The following EVC2 variants were observed in gnomAD, a reference collection of about 807,000 sequenced individuals.
The protein encoded by EVC2 is EvC ciliary complex subunit 2.
In EVC2, 148 loss-of-function variants were observed where a neutral mutation model predicts 149.3. The ratio of observed to expected loss-of-function variants is 0.99; its 90% confidence interval spans 0.87 to 1.14. EVC2 has a LOEUF of 1.14. Ranked by LOEUF, EVC2 falls within the 50% of genes most tolerant of loss-of-function variation. EVC2 has a pLI of 0.00. For synonymous variants in EVC2, 776 were observed against 649.9 expected (o/e 1.19, Z -2.95); for missense variants, 1,854 against 1,627.3 (o/e 1.14, Z -2.40).
At chr4:5,682,830 G>T (rs1308297844) in intron 6 of EVC2, among the ~76,000 whole-genome samples, 1 of 150,624 alleles carries the variant, frequency 6.6e-6, no homozygotes. Context: ...TTACACTCCA[G>T]CCTGGGCGAC....
At chr4:5,661,166 T>C (rs1156562799) in intron 9 of EVC2, among the ~76,000 whole-genome samples, 1 of 152,212 alleles carries the variant, frequency 6.6e-6, no homozygotes. Context: ...AAAAGTTTCC[T>C]GTAAATGGAA....
In EVC2 at chr4:5,636,477, AT is replaced by A. The variant is rs374300969; in HGVS notation, c.1470+4036del. Among the ~76,000 whole-genome samples, 4 of 152,230 alleles carry A rather than the reference AT, an allele frequency of 2.6e-5. No individual in the cohort carries two copies. Among genetic ancestry groups the A allele is most frequent in the East Asian group, 1.9e-4 (1 of 5,182 alleles). On this transcript the variant is annotated intron_variant, in intron 10 of 21. Coordinates refer to ENST00000344408, the MANE Select transcript of EVC2 (RefSeq NM_147127.5). This position sits in a 1 kb window ranked among gnomAD's most constrained non-coding sequence, Gnocchi z 4.6. The stretch of plus-strand genomic sequence containing the variant: ...TTCCCTAAACAACATTCCCTAAACT[AT>A]TTTTTATGCATTTATACAAACTATT...
intron 1 of EVC2, among the ~76,000 whole-genome samples, chr4:5,707,308 T>C (rs1345659287): frequency 1.3e-5 from 2 of 152,070 alleles, no homozygotes; most frequent in African/African-American, 4.8e-5. Context: ...GGGTCTCTTT[T>C]AAGAGACTAA....
rs1225387873 is a variant in EVC2, at chr4:5,657,333, C to T, written c.1145+5774G>A. On this transcript the variant is annotated intron_variant, in intron 9 of 21. Transcript: ENST00000344408. The surrounding 1 kb of genome is among the most constrained non-coding windows in gnomAD (Gnocchi z 4.7). ...CCCTCCCCAAGCCACGTATCTGCTG[C>T]ATCTACACAGACTCTGCCATCCTTC... is the stretch of plus-strand genomic sequence containing the variant. 6.6e-6 allele frequency among the ~76,000 whole-genome samples: 1 copy of T among 151,354 alleles called. No homozygotes were observed. Among genetic ancestry groups the T allele is most frequent in the East Asian group, 2.0e-4 (1 of 5,110 alleles).
At chr4:5,708,139 A>T in intron 1 of EVC2, 147 bp downstream of exon 1, 1 of 657,026 alleles carries the variant, frequency 1.5e-6, no homozygotes. Flanking sequence ...AGCGGGATAC[A>T]CCTAAGGGCC....
At position 5,562,791 on chromosome 4, in the gene EVC2, G is replaced by A. The variant is rs1722032128; in HGVS notation, c.*57C>T. 1.2e-6 allele frequency: 2 copies of A among 1,609,524 alleles called. No homozygotes were observed. Among genetic ancestry groups the A allele is most frequent in the Non-Finnish European group, 1.7e-6 (2 of 1,179,988 alleles). On this transcript the variant is annotated 3_prime_UTR_variant, in exon 22 of 22. Transcript: ENST00000344408. This position sits in a 1 kb window ranked among gnomAD's most constrained non-coding sequence, Gnocchi z 4.3. ...CATTATAAACACACAAACACCGGCG[G>A]GCAGGAGAAAATCATCCCTTCTCTC... is the stretch of plus-strand genomic sequence containing the variant.
At chr4:5,684,134 G>C (rs1490658120) in intron 6 of EVC2, among the ~76,000 whole-genome samples, 1 of 151,888 alleles carries the variant, frequency 6.6e-6, no homozygotes, top group Non-Finnish European at 1.5e-5. Flanking sequence ...ATTTCTTCTG[G>C]ACCATTTTAT....
At chr4:5,611,820 G>T (rs1287475095) in intron 16 of EVC2, among the ~76,000 whole-genome samples, 2 of 152,096 alleles carry the variant, frequency 1.3e-5, no homozygotes, top group African/African-American at 2.4e-5. Flanking sequence ...TGCCTTAAAG[G>T]AATATGATTA....
intron 1 of EVC2, among the ~76,000 whole-genome samples, chr4:5,701,039 G>A (rs1721792269): frequency 6.6e-6 from 1 of 152,236 alleles, no homozygotes; most frequent in Non-Finnish European, 1.5e-5. Context: ...TGGCAGGGCT[G>A]TGCTCTTTTC....
the EVC2 span, among the ~76,000 whole-genome samples, chr4:5,532,544 G>A: frequency 2.0e-3 from 303 of 152,148 alleles, no homozygotes; most frequent in African/African-American, 7.0e-3. Flanking sequence ...TCTTACACAC[G>A]GAACTGGGAG....
intron 16 of EVC2, among the ~76,000 whole-genome samples, chr4:5,589,074 TACAG>T (rs775295215): frequency 1.3e-5 from 2 of 152,250 alleles, no homozygotes; most frequent in Non-Finnish European, 2.9e-5. Flanking sequence ...TTAACTGAAC[TACAG>T]ACAATGTAAA....
chr4:5,566,597 T>C (rs895470148), intron 20 of EVC2, among the ~76,000 whole-genome samples: 2 of 152,170 alleles, frequency 1.3e-5, no homozygotes, highest in African/African-American at 4.8e-5. Flanking sequence ...GACACAAGAA[T>C]AGTGCATGCC....
chr4:5,543,177 A>G (rs1284553167), exon 22 of EVC2: 1 of 1,289,854 alleles, frequency 7.8e-7, no homozygotes, highest in Non-Finnish European at 1.0e-6. Flanking sequence ...TGGAGTCCCT[A>G]CCAGGTACTG....
downstream of EVC2, among the ~76,000 whole-genome samples, chr4:5,557,557 A>C (rs1250622576): frequency 6.6e-6 from 1 of 152,206 alleles, no homozygotes; most frequent in Non-Finnish European, 1.5e-5. Context: ...TAGCTAGTGT[A>C]ATAACACAAG....
Position 5,613,492 on chromosome 4 carries a change from G to A in EVC2, c.2829+1930C>T, listed in dbSNP as rs1483366950. Among the ~76,000 whole-genome samples, 1 of 152,116 alleles carries A rather than the reference G, an allele frequency of 6.6e-6. No homozygotes were observed. The highest frequency in any genetic ancestry group is 6.5e-5 in the Admixed American group (1 of 15,274). Reference sequence around the variant, plus strand: ...TTCCTCCCTGTGCCAGGAGCTCAATGTGCACAGGACCCGACCTCTCTCCAG... The same window carrying A: ...TTCCTCCCTGTGCCAGGAGCTCAATATGCACAGGACCCGACCTCTCTCCAG... On this transcript the variant is annotated intron_variant, in intron 16 of 21. Transcript: ENST00000344408. The surrounding 1 kb of genome is among the most constrained non-coding windows in gnomAD (Gnocchi z 4.6).
At chr4:5,675,883 G>A (rs1301761044) in intron 7 of EVC2, among the ~76,000 whole-genome samples, 1 of 152,224 alleles carries the variant, frequency 6.6e-6, no homozygotes, top group Non-Finnish European at 1.5e-5. Context: ...GGCAGAGGTT[G>A]CCGTGAGCCG....
At chr4:5,707,462 G>T (rs1315212680) in intron 1 of EVC2, among the ~76,000 whole-genome samples, 1 of 152,082 alleles carries the variant, frequency 6.6e-6, no homozygotes, top group Non-Finnish European at 1.5e-5. Context: ...AGGAGCCTGG[G>T]TGTGCTGTCA....
intron 10 of EVC2, among the ~76,000 whole-genome samples, chr4:5,634,980 G>A (rs1716793462): frequency 6.7e-6 from 1 of 149,208 alleles, no homozygotes; most frequent in African/African-American, 2.5e-5. Context: ...CTGGAAATCT[G>A]GGTTTTCTTA....
At chr4:5,685,224 G>A (rs537594791) in intron 6 of EVC2, 146 bp downstream of exon 6, 1 of 810,906 alleles carries the variant, frequency 1.2e-6, no homozygotes, top group South Asian at 1.4e-5. Context: ...AGGCGTGTGA[G>A]ACTCCAGGGC....
Sources: gnomAD v4.1 joint callset for allele counts (sites outside exome capture counted in the v4.1 genomes callset) on GRCh38, gnomAD v4.1.1 for gene constraint, Gnocchi (gnomAD v3.1) non-coding constraint, MANE v1.5 for transcripts, NCBI Gene and HGNC (gene_info 2026-07-23, HGNC 2026-07-21) for gene names.